The following NRXN3 variants were observed in gnomAD, a reference collection of about 807,000 sequenced individuals.
The protein encoded by NRXN3 is neurexin III.
NRXN3 carries 32 observed loss-of-function variants against 137.6 expected under a neutral mutation model. The ratio of observed to expected loss-of-function variants is 0.23; its 90% CI spans 0.18 to 0.31. NRXN3 has a LOEUF of 0.31. Ranked by LOEUF, NRXN3 falls within the 10% of genes least tolerant of loss-of-function variation. NRXN3 has a pLI of 1.00. For synonymous variants in NRXN3, 798 were observed against 784.5 expected (o/e 1.02, Z -0.29); for missense variants, 1,574 against 2,062.5 (o/e 0.76, Z 4.59).
chr14:78,676,720 T>C (rs1008354832), intron 6 of NRXN3, among the ~76,000 whole-genome samples: 1 of 152,170 alleles, frequency 6.6e-6, no homozygotes, highest in Non-Finnish European at 1.5e-5. Context: ...CATCTAGGAC[T>C]TTCATAGCTG....
chr14:78,328,690 A>G (rs549988723), intron 4 of NRXN3, among the ~76,000 whole-genome samples: 2 of 152,312 alleles, frequency 1.3e-5, no homozygotes, highest in South Asian at 2.1e-4. Context: ...AGAATTTTCC[A>G]GATATGTAAT....
chr14:79,673,132 G>T (rs1008608642), intron 17 of NRXN3, among the ~76,000 whole-genome samples: 8 of 152,042 alleles, frequency 5.3e-5, no homozygotes, highest in African/African-American at 1.9e-4. Context: ...GCAGGCTGAA[G>T]AGAGGGGAAA....
Position 79,645,405 on chromosome 14 carries a change from C to A in NRXN3, c.3445-18373C>A, listed in dbSNP as rs548518633. Among the ~76,000 whole-genome samples, 4 of 133,910 alleles carry A rather than the reference C, an allele frequency of 3.0e-5. No individual in the cohort carries two copies. In the South Asian group the frequency reaches 9.5e-4, roughly 32 times the overall value. The allele number at this position is 133,910 out of a possible 152,430, so 87.9% of individuals were successfully genotyped here. A position where few individuals can be genotyped will look rare whatever the true frequency, so the allele number is the denominator to read the frequency against. On this transcript the variant is annotated intron_variant, in intron 16 of 20. Coordinates refer to ENST00000335750, the MANE Select transcript of NRXN3 (RefSeq NM_001330195.2). ...CCGAGGTAGGTAGATCACCTGAGGTCAGGAGTTCGAGACCAGCCTGGCCAA... is the reference window on the plus strand; with the variant it reads ...CCGAGGTAGGTAGATCACCTGAGGTAAGGAGTTCGAGACCAGCCTGGCCAA...
In NRXN3 at chr14:79,132,070, G is replaced by A. The variant is rs577738345; in HGVS notation, c.3262+143929G>A. Among the ~76,000 whole-genome samples, 91 of 149,218 alleles carry A rather than the reference G, an allele frequency of 6.1e-4. 1 individual carries two copies. In the South Asian group the frequency reaches 0.019, roughly 30 times the overall value. ...GGTGCGTGCACCCACTGACCTGCGC[G>A]CACTGTCTGGCACTCCCTAGTGAGA... On this transcript the variant is annotated intron_variant, in intron 15 of 20. Transcript: ENST00000335750.
chr14:78,214,340 G>C (rs533886605), intron 1 of NRXN3, among the ~76,000 whole-genome samples: 40 of 152,198 alleles, frequency 2.6e-4, no homozygotes, highest in Non-Finnish European at 5.4e-4. Flanking sequence ...GGGAGGGCTG[G>C]AGTCCCCTCC....
At chr14:78,665,360 C>T (rs1413599321) in intron 6 of NRXN3, among the ~76,000 whole-genome samples, 3 of 152,124 alleles carry the variant, frequency 2.0e-5, no homozygotes, top group Non-Finnish European at 2.9e-5. Context: ...AACATGGCAG[C>T]AGCAAGGAGA....
chr14:79,661,234 T>G (rs1027820119), intron 16 of NRXN3, among the ~76,000 whole-genome samples: 3 of 152,130 alleles, frequency 2.0e-5, no homozygotes, highest in Non-Finnish European at 4.4e-5. Context: ...GTCACAATTT[T>G]GGGAGGTACC....
intron 10 of NRXN3, among the ~76,000 whole-genome samples, chr14:78,905,694 T>G (rs1018576500): frequency 3.3e-5 from 5 of 152,076 alleles, no homozygotes; most frequent in Admixed American, 3.3e-4. Context: ...AATGTAATCA[T>G]TTTGATGGTT....
intron 2 of NRXN3, among the ~76,000 whole-genome samples, chr14:78,254,449 G>A (rs1356957154): frequency 6.6e-6 from 1 of 152,168 alleles, no homozygotes; most frequent in Non-Finnish European, 1.5e-5. Flanking sequence ...GGGAGGCCGA[G>A]GCAGGCAGAT....
Position 78,715,117 on chromosome 14 carries a change from C to T in NRXN3, c.2022C>T (p.Tyr674=), listed in dbSNP as rs745344719. The T allele has an allele frequency of 5.0e-6, 8 of 1,609,888 alleles. No homozygotes were observed. The highest frequency in any genetic ancestry group is 6.8e-6 in the Non-Finnish European group (8 of 1,178,488). Residue 674 remains tyrosine, a synonymous_variant, in exon 8 of 21, where the codon TAC becomes TAT. Transcript: ENST00000335750. ...RFICDCTGTG[Y]WGRTCEREAS... ...TCTGCGACTGCACCGGCACCGGATA[C>T]TGGGGAAGAACCTGCGAAAGGGGTG...
intron 4 of NRXN3, among the ~76,000 whole-genome samples, chr14:78,512,678 G>A (rs1226934461): frequency 1.3e-5 from 2 of 152,268 alleles, no homozygotes; most frequent in Non-Finnish European, 2.9e-5. Context: ...TTTCTCACAG[G>A]AAGATAGAGA....
chr14:78,425,889 T>A (rs572387858), intron 4 of NRXN3, among the ~76,000 whole-genome samples: 1 of 152,194 alleles, frequency 6.6e-6, no homozygotes, highest in Non-Finnish European at 1.5e-5. Flanking sequence ...GAGTGTAACA[T>A]TTGGCCCGTA....
chr14:78,553,777 A>G (rs2096714322), intron 4 of NRXN3, among the ~76,000 whole-genome samples: 1 of 151,968 alleles, frequency 6.6e-6, no homozygotes, highest in Non-Finnish European at 1.5e-5. Context: ...CTTTTTTTCC[A>G]TTCTTGCTGA....
chr14:79,664,078 G>T, intron 17 of NRXN3, 129 bp downstream of exon 17: 1 of 954,436 alleles, frequency 1.0e-6, no homozygotes, highest in Non-Finnish European at 1.6e-6. Flanking sequence ...TGATTTTTTT[G>T]TATGAGAAGA....
intron 19 of NRXN3, among the ~76,000 whole-genome samples, chr14:79,740,028 C>T (rs2098955625): frequency 6.6e-6 from 1 of 152,146 alleles, no homozygotes; most frequent in Admixed American, 6.5e-5. Flanking sequence ...CTCAGACTCA[C>T]TGGATGAAAC....
At chr14:78,528,686 T>C (rs1236802824) in intron 4 of NRXN3, among the ~76,000 whole-genome samples, 1 of 152,138 alleles carries the variant, frequency 6.6e-6, no homozygotes, top group Non-Finnish European at 1.5e-5. Flanking sequence ...TAGACTTCCA[T>C]AGGCAGAAGG....
intron 4 of NRXN3, among the ~76,000 whole-genome samples, chr14:78,420,412 G>T (rs1432225331): frequency 6.6e-6 from 1 of 152,090 alleles, no homozygotes; most frequent in East Asian, 1.9e-4. Flanking sequence ...AAAGTGAAGA[G>T]GATGTTATAG....
At chr14:79,325,980 G>A (rs1394507891) in intron 15 of NRXN3, among the ~76,000 whole-genome samples, 1 of 152,174 alleles carries the variant, frequency 6.6e-6, no homozygotes, top group African/African-American at 2.4e-5. Context: ...GTCTGCGGGT[G>A]CCCTCTACCA....
intron 15 of NRXN3, chr14:79,280,485 A>T (rs749953463): frequency 6.2e-7 from 1 of 1,613,582 alleles, no homozygotes. Context: ...AGCAAGCATC[A>T]CTCAGTGCCT....
Sources: gnomAD v4.1 joint callset for allele counts (sites outside exome capture counted in the v4.1 genomes callset) on GRCh38, gnomAD v4.1.1 for gene constraint, MANE v1.5 for transcripts, NCBI Gene and HGNC (gene_info 2026-07-23, HGNC 2026-07-21) for gene names.